Variants in TTC17 observed in about 807,000 individuals in gnomAD.
TTC17 encodes the protein tetratricopeptide repeat protein 17.
Under a neutral mutation model 143.8 loss-of-function variants are expected in TTC17, and 58 were observed. The ratio of observed to expected loss-of-function variants is 0.40; its 90% CI spans 0.33 to 0.50. TTC17 has a LOEUF of 0.50. Among genes scored for constraint, TTC17 ranks in the 20% least tolerant of loss-of-function variants. The pLI is 0.49. For missense variants in TTC17, 1,273 were observed against 1,392.5 expected (o/e 0.91, Z 1.37); for synonymous variants, 501 against 497.8 (o/e 1.01, Z -0.09).
intron 15 of TTC17, among the ~76,000 whole-genome samples, chr11:43,410,284 TTC>T (rs1234087140): frequency 5.3e-5 from 8 of 152,236 alleles, no homozygotes; most frequent in African/African-American, 1.4e-4. Flanking sequence ...TAAAAATATT[TTC>T]TCTCTTTGCC....
chr11:43,429,512 A>G (rs567242982), intron 16 of TTC17, among the ~76,000 whole-genome samples: 22 of 152,190 alleles, frequency 1.4e-4, no homozygotes, highest in Non-Finnish European at 2.2e-4. Flanking sequence ...ATTTTTAAGT[A>G]ATTTTGTATA....
intron 21 of TTC17, among the ~76,000 whole-genome samples, chr11:43,484,540 TAG>T (rs2134475023): frequency 6.6e-6 from 1 of 152,304 alleles, no homozygotes; most frequent in Non-Finnish European, 1.5e-5. Flanking sequence ...ATTTGATTTA[TAG>T]AGTCAATGCT....
chr11:43,492,622 CG>C (rs1948494266), intron 23 of TTC17, among the ~76,000 whole-genome samples: 1 of 152,220 alleles, frequency 6.6e-6, no homozygotes, highest in African/African-American at 2.4e-5. Context: ...CTCTAGCCTA[CG>C]GGCTCATTGG....
intron 1 of TTC17, among the ~76,000 whole-genome samples, chr11:43,366,505 CAAA>C (rs11284058): frequency 1.6e-5 from 2 of 121,998 alleles, no homozygotes; most frequent in African/African-American, 2.8e-5. Context: ...GACTCTGCCT[CAAA>C]AAAAAAAAAA....
intron 10 of TTC17, 21 bp from the exon 11 acceptor site, chr11:43,403,977 A>G (rs746093059): frequency 2.5e-6 from 4 of 1,569,810 alleles, no homozygotes; most frequent in Non-Finnish European, 3.5e-6. Flanking sequence ...ATTTGATTGA[A>G]CTTTTTGTTT....
intron 21 of TTC17, among the ~76,000 whole-genome samples, chr11:43,459,449 A>G (rs1255438813): frequency 6.6e-6 from 1 of 152,170 alleles, no homozygotes; most frequent in Non-Finnish European, 1.5e-5. Context: ...CTCTGTCCCA[A>G]CTGGCACAGT....
At chr11:43,442,235 C>T (rs1287810999) in intron 16 of TTC17, among the ~76,000 whole-genome samples, 3 of 152,156 alleles carry the variant, frequency 2.0e-5, no homozygotes, top group African/African-American at 4.8e-5. Flanking sequence ...ATGGTATATG[C>T]AGTTCATCAT....
At chr11:43,360,206 C>A (rs556331227) in intron 1 of TTC17, among the ~76,000 whole-genome samples, 60 of 152,254 alleles carry the variant, frequency 3.9e-4, no homozygotes, top group Non-Finnish European at 6.2e-4. Context: ...ATTGCAAATT[C>A]TATCTCAAGT....
rs1452469389 is a variant in TTC17, at chr11:43,398,035, G to A, written c.980G>A (p.Gly327Glu). Residue 327 changes from glycine to glutamate, a missense_variant, in exon 8 of 24, where the codon GGG becomes GAG. Physicochemically the swap from Gly to Glu is moderately conservative, Grantham distance 98. Coordinates refer to ENST00000039989, the MANE Select transcript of TTC17 (RefSeq NM_018259.6). ...GACCACGCTTTGCAGGCCAGACCTG[G>A]GTTTGAGCAAGCTATAAAGAGGAAG... ...CYDHALQARP[G>E]FEQAIKRKHA... is the part of the protein sequence containing the mutation. The A allele has an allele frequency of 1.2e-6, 2 of 1,613,192 alleles. No homozygotes were observed. Among genetic ancestry groups the A allele is most frequent in the African/African-American group, 2.7e-5 (2 of 74,718 alleles).
At position 43,379,223 on chromosome 11, in the gene TTC17, T is replaced by C. The variant is rs758348400; in HGVS notation, c.160-10T>C. On this transcript the variant is annotated splice_polypyrimidine_tract_variant and intron_variant, in intron 1 of 23. Coordinates refer to ENST00000039989, the MANE Select transcript of TTC17 (RefSeq NM_018259.6). ...AATCCGAGCTTTATTTATTTATTGC[T>C]TGCTTGCAGGTGGATTCACCAATGA... is the stretch of plus-strand genomic sequence containing the variant. 1.2e-6 allele frequency: 2 copies of C among 1,610,922 alleles called. No individual in the cohort carries two copies. The highest frequency in any genetic ancestry group is 3.4e-5 in the Admixed American group (2 of 59,432).
intron 21 of TTC17, chr11:43,490,038 G>T: frequency 2.0e-6 from 1 of 494,364 alleles, no homozygotes. Flanking sequence ...ATTTATAGAA[G>T]GGCTGTAATA....
At chr11:43,397,901 CGTGTGTGTGTGTGTGTGTGTGT>C (rs368934799) in intron 7 of TTC17, 51 bp from the exon 8 acceptor site, 159,228 of 1,253,054 alleles carry the variant, frequency 0.13, 4,899 homozygotes, top group Middle Eastern at 0.2. Flanking sequence ...TTTTTTTTTC[CGTGTGTGTGTGTGTGTGTGTGT>C]GTGTGTGTGT....
intron 16 of TTC17, among the ~76,000 whole-genome samples, chr11:43,428,143 G>T (rs1590402624): frequency 1.3e-5 from 2 of 152,014 alleles, no homozygotes; most frequent in African/African-American, 2.4e-5. Flanking sequence ...CCCACCTTCA[G>T]TCCCTCCTGT....
chr11:43,418,357 T>C (rs893729556), intron 16 of TTC17, among the ~76,000 whole-genome samples: 1 of 152,192 alleles, frequency 6.6e-6, no homozygotes, highest in African/African-American at 2.4e-5. Flanking sequence ...TGTGAAGAAC[T>C]TAATACATTG....
intron 10 of TTC17, among the ~76,000 whole-genome samples, chr11:43,402,966 A>G (rs1857938183): frequency 6.6e-6 from 1 of 152,172 alleles, no homozygotes; most frequent in Non-Finnish European, 1.5e-5. Flanking sequence ...AATAAGAGAC[A>G]AAAATTAAGA....
chr11:43,414,654 A>G lies in TTC17; in HGVS notation c.2129A>G (p.Glu710Gly), dbSNP rs759302289. The G allele has an allele frequency of 1.2e-6, 2 of 1,613,728 alleles. No homozygotes were observed. The highest frequency in any genetic ancestry group is 1.7e-5 in the Admixed American group (1 of 59,972). Residue 710 changes from glutamate (E) to glycine (G), a missense_variant, in exon 16 of 24, where the codon GAG (glutamate) becomes GGG (glycine). This residue lies in a region of TTC17 where 878 missense variants were observed against 899.8 expected (regional missense o/e 0.98). Coordinates refer to ENST00000039989, the MANE Select transcript of TTC17 (RefSeq NM_018259.6). The stretch of plus-strand genomic sequence containing the variant: ...CTGAAGAATATCAGTGGGGCACTTG[A>G]GGCCTTTAGACAGGCCTTGAAATTA... Reference protein sequence around the residue: ...LALKNISGALEAFRQALKLTT... With the variant: ...LALKNISGALGAFRQALKLTT...
At chr11:43,445,962 A>C (rs1370588263) in intron 18 of TTC17, 2 of 1,489,546 alleles carry the variant, frequency 1.3e-6, no homozygotes. Context: ...GGAAAGTGCC[A>C]TAGACATAAT....
At chr11:43,367,714 CTGTGTGTGTG>C (rs3083209) in intron 1 of TTC17, among the ~76,000 whole-genome samples, 11 of 147,078 alleles carry the variant, frequency 7.5e-5, no homozygotes, top group East Asian at 2.0e-4. Flanking sequence ...AGGGGAATGT[CTGTGTGTGTG>C]TGTGTGTGTG....
intron 15 of TTC17, among the ~76,000 whole-genome samples, chr11:43,413,659 A>G (rs937336041): frequency 2.0e-5 from 3 of 152,038 alleles, no homozygotes; most frequent in African/African-American, 7.2e-5. Flanking sequence ...TAGAGAAAAG[A>G]ACAGGCACTT....
Sources: gnomAD v4.1 joint callset for allele counts (sites outside exome capture counted in the v4.1 genomes callset) on GRCh38, gnomAD v4.1.1 for gene constraint, gnomAD v4.1.1 regional missense constraint, MANE v1.5 for transcripts, NCBI Gene and HGNC (gene_info 2026-07-23, HGNC 2026-07-21) for gene names.